Variants in PRRX2 observed in about 807,000 individuals in gnomAD.
PRRX2 encodes the protein paired related homeobox 2.
PRRX2 carries 11 observed loss-of-function variants against 18.0 expected under a neutral mutation model. That is an observed-to-expected ratio of 0.61 (90% CI 0.39 to 1.01). The LOEUF is 1.01. PRRX2 is among the 50% of genes least tolerant of loss of function. PRRX2 has a pLI of 0.01. For synonymous variants in PRRX2, 177 were observed against 154.8 expected (o/e 1.14, Z -1.06); for missense variants, 387 against 351.0 (o/e 1.10, Z -0.82).
At chr9:129,720,861 GGAGA>G in intron 3 of PRRX2, 87 bp downstream of exon 3, 1 of 1,355,156 alleles carries the variant, frequency 7.4e-7, no homozygotes, top group African/African-American at 1.5e-5. Flanking sequence ...CTGAGGGTCT[GGAGA>G]GAGCTTGAAT....
chr9:129,666,208 C>G (rs1256919480), intron 1 of PRRX2, 82 bp downstream of exon 1: 118 of 949,356 alleles, frequency 1.2e-4, no homozygotes, highest in Non-Finnish European at 1.5e-4. Context: ...GGAGCCGGCG[C>G]GGGGCGGGCG....
At chr9:129,719,166 G>A in intron 1 of PRRX2, 65 bp from the exon 2 acceptor site, 1 of 1,418,818 alleles carries the variant, frequency 7.0e-7, no homozygotes, top group South Asian at 1.4e-5. Context: ...GCAGAGTTGG[G>A]GGCTGAACTG....
At chr9:129,676,753 C>A (rs935682733) in intron 1 of PRRX2, among the ~76,000 whole-genome samples, 5 of 152,214 alleles carry the variant, frequency 3.3e-5, no homozygotes, top group African/African-American at 1.2e-4. Context: ...AGACATCATT[C>A]CAAGTGTGGG....
At chr9:129,697,965 G>C (rs1832448131) in intron 1 of PRRX2, among the ~76,000 whole-genome samples, 2 of 152,058 alleles carry the variant, frequency 1.3e-5, no homozygotes, top group African/African-American at 4.8e-5. Flanking sequence ...GGAGGTTGGA[G>C]GGTTTTAAGC....
chr9:129,688,983 A>T (rs1832326728), intron 1 of PRRX2, among the ~76,000 whole-genome samples: 1 of 152,206 alleles, frequency 6.6e-6, no homozygotes, highest in Non-Finnish European at 1.5e-5. Flanking sequence ...GAATCTTTTC[A>T]GGTTGGGTCT....
chr9:129,713,141 T>A (rs374930919), intron 1 of PRRX2: 37 of 152,356 alleles, frequency 2.4e-4, no homozygotes, highest in African/African-American at 8.9e-4. Context: ...CTCCTCCCCG[T>A]CCGCGTTCCT....
chr9:129,691,168 T>TAA (rs1315169078), intron 1 of PRRX2, among the ~76,000 whole-genome samples: 31 of 94,946 alleles, frequency 3.3e-4, no homozygotes, highest in African/African-American at 1.8e-3. Context: ...CTGCTAAATA[T>TAA]ACAAAAAAAA....
chr9:129,692,199 C>T (rs868739530), intron 1 of PRRX2, among the ~76,000 whole-genome samples: 1 of 151,810 alleles, frequency 6.6e-6, no homozygotes, highest in Middle Eastern at 3.2e-3. Context: ...ATCTACTCTC[C>T]TCTGCCTCCC....
At chr9:129,686,277 AG>A (rs1310411598) in intron 1 of PRRX2, among the ~76,000 whole-genome samples, 3 of 152,130 alleles carry the variant, frequency 2.0e-5, no homozygotes, top group Non-Finnish European at 4.4e-5. Flanking sequence ...ATGCCTCAGG[AG>A]CAGAGGCAAG....
intron 1 of PRRX2, among the ~76,000 whole-genome samples, chr9:129,678,971 G>A (rs1319143483): frequency 3.3e-5 from 5 of 152,196 alleles, no homozygotes; most frequent in Non-Finnish European, 7.4e-5. Context: ...TGCACTGCCT[G>A]AGAAGCCCAG....
At chr9:129,674,822 A>G (rs939718907) in intron 1 of PRRX2, among the ~76,000 whole-genome samples, 5 of 152,100 alleles carry the variant, frequency 3.3e-5, no homozygotes, top group African/African-American at 4.8e-5. Context: ...TCTGCAAGAC[A>G]AGAAGGTTGG....
chr9:129,691,954 T>TATTTATTC (rs201882201), intron 1 of PRRX2, among the ~76,000 whole-genome samples: 29 of 151,666 alleles, frequency 1.9e-4, no homozygotes, highest in African/African-American at 6.6e-4. Context: ...TTTATTTATT[T>TATTTATTC]TATTTTTGAG....
chr9:129,706,541 C>T (rs1272518687), intron 1 of PRRX2, among the ~76,000 whole-genome samples: 7 of 151,042 alleles, frequency 4.6e-5, no homozygotes, highest in South Asian at 4.2e-4. Context: ...CCAGCCTGGG[C>T]GACAGAGTGA....
chr9:129,680,453 C>T (rs1196197714), intron 1 of PRRX2, among the ~76,000 whole-genome samples: 1 of 149,540 alleles, frequency 6.7e-6, no homozygotes, highest in African/African-American at 2.5e-5. Context: ...AATTTGCTTT[C>T]TCTCTCTCTC....
At chr9:129,678,058 G>T (rs1221685923) in intron 1 of PRRX2, among the ~76,000 whole-genome samples, 1 of 150,848 alleles carries the variant, frequency 6.6e-6, no homozygotes, top group Non-Finnish European at 1.5e-5. Context: ...CCGCCTCCAG[G>T]GTTCAGGTGA....
intron 1 of PRRX2, among the ~76,000 whole-genome samples, chr9:129,677,966 T>C (rs2009016): frequency 0.2 from 28,328 of 138,826 alleles, 3,173 homozygotes; most frequent in East Asian, 0.37. Context: ...TTCTTTTTTT[T>C]TTTTTTTTTT....
chr9:129,721,265 G>T (rs1233774924), intron 3 of PRRX2, among the ~76,000 whole-genome samples: 3 of 152,222 alleles, frequency 2.0e-5, no homozygotes, highest in Non-Finnish European at 2.9e-5. Flanking sequence ...GGAGGGCTGA[G>T]GAAATGGTCT....
Position 129,720,615 on chromosome 9 carries a change from G to A in PRRX2, c.467G>A (p.Arg156His), listed in dbSNP as rs2074836595. 2 of 1,610,986 alleles carry A rather than the reference G, an allele frequency of 1.2e-6. No individual in the cohort carries two copies. Among genetic ancestry groups the A allele is most frequent in the East Asian group, 2.2e-5 (1 of 44,744 alleles). The change falls in exon 3 of 4, where the codon CGC becomes CAC. Residue 156 changes from arginine (R) to histidine (H), a missense_variant. Coordinates refer to ENST00000372469, the MANE Select transcript of PRRX2 (RefSeq NM_016307.4). ...ARVQVWFQNR[R>H]AKFRRNERAM... The stretch of plus-strand genomic sequence containing the variant: ...CCACAGGTCTGGTTTCAGAACCGCC[G>A]CGCCAAGTTCCGCAGGAATGAAAGG...
At chr9:129,691,851 A>G (rs917605633) in intron 1 of PRRX2, among the ~76,000 whole-genome samples, 1 of 151,400 alleles carries the variant, frequency 6.6e-6, no homozygotes, top group African/African-American at 2.4e-5. Context: ...GCTAATTAAA[A>G]AAATTTTTTT....
Sources: gnomAD v4.1 joint callset for allele counts (sites outside exome capture counted in the v4.1 genomes callset) on GRCh38, gnomAD v4.1.1 for gene constraint, MANE v1.5 for transcripts, NCBI Gene and HGNC (gene_info 2026-07-23, HGNC 2026-07-21) for gene names.